DUS2: variants seen among roughly 807,000 people sequenced by gnomAD.
The protein encoded by DUS2 is dihydrouridine synthase 2.
Under a neutral mutation model 71.3 loss-of-function variants are expected in DUS2, and 52 were observed. That is an observed-to-expected ratio of 0.73 (90% CI 0.58 to 0.92). The LOEUF (loss-of-function observed/expected upper bound fraction) is 0.92. Ranked by LOEUF, DUS2 falls within the 40% of genes least tolerant of loss-of-function variation. The pLI is 0.00. For synonymous variants in DUS2, 204 were observed against 227.8 expected, an observed-to-expected ratio of 0.90 and a Z score of 0.94; for missense variants, 558 against 622.6, an observed-to-expected ratio of 0.90 and a Z score of 1.10.
At chr16:68,030,609 T>A (rs967357446) in intron 2 of DUS2, among the ~76,000 whole-genome samples, 1 of 151,980 alleles carries the variant, frequency 6.6e-6, no homozygotes, top group African/African-American at 2.4e-5. Context: ...AATAAATAAA[T>A]AAATAAAAAC....
rs2033562646 is a variant in DUS2, at chr16:68,038,153, A to C, written c.126+4A>C. ...AGCGGACATTGTTTACTGTGAGGTA[A>C]GGGGCTCTGATTTTCTGGGTGGGCT... On this transcript the variant is annotated splice_donor_region_variant and intron_variant, in intron 3 of 16. Transcript: ENST00000565263. 6.2e-7 allele frequency: 1 copy of C among 1,613,066 alleles called. No homozygotes were observed.
In DUS2 at chr16:68,054,652, CCT is replaced by C. The variant is rs1228235853; in HGVS notation, c.308+39_308+40del. The C allele has an allele frequency of 6.2e-6, 10 of 1,613,664 alleles. No individual in the cohort carries two copies. The South Asian group carries it at 1.1e-4, about 18-fold the overall frequency. ...TCCTCTGTCTTTAGCACTGCCTTTG[CCT>C]CTCCTTTGAGCTGTGAGGGTTTAAT... On this transcript the variant is annotated intron_variant, in intron 6 of 16. Transcript: ENST00000565263.
chr16:68,035,066 T>TTC (rs59474557), intron 2 of DUS2, among the ~76,000 whole-genome samples: 29,045 of 152,046 alleles, frequency 0.19, 3,288 homozygotes, highest in African/African-American at 0.31. Context: ...TCTGATTTTC[T>TTC]TTTTTCCTCC....
chr16:68,029,335 G>A (rs2033404380), intron 2 of DUS2, among the ~76,000 whole-genome samples: 1 of 152,078 alleles, frequency 6.6e-6, no homozygotes. Flanking sequence ...TAGAGATGGG[G>A]TCTTACTATG....
chr16:68,059,353 C>CGAAG (rs1025931219), intron 7 of DUS2, among the ~76,000 whole-genome samples: 1 of 151,914 alleles, frequency 6.6e-6, no homozygotes, highest in Non-Finnish European at 1.5e-5. Context: ...TTAATAGAAA[C>CGAAG]GAAGGAAGGA....
At chr16:68,055,325 A>G (rs1221203026) in intron 6 of DUS2, among the ~76,000 whole-genome samples, 3 of 151,926 alleles carry the variant, frequency 2.0e-5, no homozygotes, top group African/African-American at 7.2e-5. Context: ...ATGGTGGTGC[A>G]TGCCAGTGGT....
At position 68,032,908 on chromosome 16, in the gene DUS2, CAA is replaced by C. The variant is rs71145986; in HGVS notation, c.-18-5076_-18-5075del. 6.9e-5 allele frequency among the ~76,000 whole-genome samples: 4 copies of C among 57,944 alleles called. No homozygotes were observed. In the Admixed American group the frequency reaches 8.6e-4, roughly 12 times the overall value. 38.0% of individuals were successfully genotyped at this position (57,944 alleles called of 152,430 possible). The stretch of plus-strand genomic sequence containing the variant: ...TGGGCAACAGAGTGAGACTCCATCT[CAA>C]AAAAAAAAAAAAAAAAAAAAAGGGA... On this transcript the variant is annotated intron_variant, in intron 2 of 16. Transcript: ENST00000565263.
At chr16:68,044,799 C>T (rs547711531) in intron 3 of DUS2, among the ~76,000 whole-genome samples, 1 of 151,680 alleles carries the variant, frequency 6.6e-6, no homozygotes, top group East Asian at 1.9e-4. Context: ...TTTTTATTTA[C>T]TTTTATTTTT....
chr16:68,025,022 G>A (rs1356739594), intron 1 of DUS2, among the ~76,000 whole-genome samples: 1 of 151,994 alleles, frequency 6.6e-6, no homozygotes, highest in Non-Finnish European at 1.5e-5. Flanking sequence ...AATAGAGACA[G>A]GGTTTCACTA....
chr16:68,059,258 C>T (rs1366837428), intron 7 of DUS2, among the ~76,000 whole-genome samples: 1 of 152,096 alleles, frequency 6.6e-6, no homozygotes, highest in South Asian at 2.1e-4. Flanking sequence ...ATTTCCCATT[C>T]CTTAGGCAGG....
At chr16:68,033,432 T>G (rs2033470430) in intron 2 of DUS2, among the ~76,000 whole-genome samples, 2 of 152,084 alleles carry the variant, frequency 1.3e-5, no homozygotes, top group Non-Finnish European at 2.9e-5. Context: ...TTCTCTTCCT[T>G]TAGACCTTGG....
chr16:68,029,366 C>T (rs1261543505), intron 2 of DUS2, among the ~76,000 whole-genome samples: 1 of 152,072 alleles, frequency 6.6e-6, no homozygotes, highest in Non-Finnish European at 1.5e-5. Context: ...TGGTCTTGAA[C>T]TCTTGGGCTC....
At chr16:68,043,510 A>G (rs1261171328) in intron 3 of DUS2, among the ~76,000 whole-genome samples, 4 of 151,596 alleles carry the variant, frequency 2.6e-5, no homozygotes, top group Non-Finnish European at 5.9e-5. Context: ...GTATGAGGTG[A>G]TATTTCATTG....
intron 13 of DUS2, among the ~76,000 whole-genome samples, chr16:68,075,101 G>A (rs1421771092): frequency 6.6e-6 from 1 of 152,166 alleles, no homozygotes; most frequent in African/African-American, 2.4e-5. Context: ...AGGTGGTGGG[G>A]GTGACCTTTA....
intron 2 of DUS2, among the ~76,000 whole-genome samples, chr16:68,035,723 T>G (rs1322831976): frequency 7.2e-6 from 1 of 138,342 alleles, no homozygotes; most frequent in East Asian, 2.0e-4. Flanking sequence ...TTTTTTTTGG[T>G]TTTTTTTTTT....
At chr16:68,034,007 A>T (rs550555203) in intron 2 of DUS2, among the ~76,000 whole-genome samples, 2 of 152,064 alleles carry the variant, frequency 1.3e-5, no homozygotes, top group South Asian at 4.1e-4. Context: ...AGTTCAAGCA[A>T]TCTGTCCACC....
intron 12 of DUS2, among the ~76,000 whole-genome samples, chr16:68,071,781 G>A (rs1474005441): frequency 1.3e-5 from 2 of 151,992 alleles, no homozygotes; most frequent in African/African-American, 2.4e-5. Context: ...GGGACTACAG[G>A]CATGTGCCAC....
chr16:68,075,539 G>A lies in DUS2; in HGVS notation c.1082+35G>A, dbSNP rs1352986006. 17 of 1,588,548 alleles carry A rather than the reference G, an allele frequency of 1.1e-5. No homozygotes were observed. In the Middle Eastern group the frequency reaches 2.5e-3, roughly 236 times the overall value. On this transcript the variant is annotated intron_variant, in intron 14 of 16. Transcript: ENST00000565263. The stretch of plus-strand genomic sequence containing the variant: ...CAGCTTGGCCTCAGCTTGGGCTAGG[G>A]CCAGCACCCTTGGGGTCCCACTGGG...
chr16:68,075,041 C>T (rs374316776), intron 13 of DUS2, among the ~76,000 whole-genome samples: 1 of 152,196 alleles, frequency 6.6e-6, no homozygotes, highest in African/African-American at 2.4e-5. Context: ...AACTCAGTCA[C>T]GGCTGGCTGG....
Sources: allele counts gnomAD v4.1 joint callset (sites outside exome capture counted in the v4.1 genomes callset), GRCh38; gene constraint gnomAD v4.1.1; transcripts MANE v1.5; gene names NCBI Gene and HGNC (gene_info 2026-07-23, HGNC 2026-07-21).